PUDP: variants seen among roughly 807,000 people sequenced by gnomAD.
PUDP encodes the protein pseudouridine 5'-phosphatase, also known as pseudouridine-5'-phosphatase.
Under a neutral mutation model 9.4 loss-of-function variants are expected in PUDP, and 8 were observed. The observed-to-expected ratio is 0.85, with a 90% CI of 0.50 to 1.53. The LOEUF is 1.53. PUDP is among the 40% of genes most tolerant of loss of function. The pLI is 0.00. For missense variants in PUDP, 188 were observed against 189.7 expected, an observed-to-expected ratio of 0.99 and a Z score of 0.05; for synonymous variants, 99 against 80.7, an observed-to-expected ratio of 1.23 and a Z score of -1.22.
In PUDP at chrX:6,816,723, AAT is replaced by A. The variant is rs1480270831; in HGVS notation, c.*248-110259_*248-110258del. ...ACTATATATACTATATAGTATATAC[AAT>A]ATATATACACACATAGTATATACGA... is the stretch of plus-strand genomic sequence containing the variant. On this transcript the variant is annotated intron_variant and NMD_transcript_variant, in intron 3 of 3. Coordinates refer to the PUDP transcript ENST00000655425. Among the ~76,000 whole-genome samples the A allele has an allele frequency of 8.2e-5, 8 of 97,987 alleles. 1 individual carries two copies. The highest frequency in any genetic ancestry group is 2.9e-4 in the African/African-American group (8 of 27,308). The allele number at this position is 97,987 out of a possible 115,157, so 85.1% of individuals were successfully genotyped here.
chrX:6,897,878 G>T (rs1302975210), intron 3 of PUDP, among the ~76,000 whole-genome samples: 5 of 111,331 alleles, frequency 4.5e-5, no homozygotes, highest in Admixed American at 9.6e-5. Context: ...TCAAAAACTT[G>T]CAGGGGACAC....
intron 1 of PUDP, among the ~76,000 whole-genome samples, chrX:6,708,790 C>T (rs1189547568): frequency 2.7e-5 from 3 of 111,705 alleles, no homozygotes; most frequent in East Asian, 5.7e-4. Flanking sequence ...CAGAAATCCT[C>T]GTTTCTCCGA....
intron 3 of PUDP, among the ~76,000 whole-genome samples, chrX:6,757,061 G>A (rs1416410667): frequency 8.9e-6 from 1 of 112,263 alleles, no homozygotes; most frequent in East Asian, 2.8e-4. Flanking sequence ...GCAGAGCAGA[G>A]AGAAGACGGA....
intron 1 of PUDP, among the ~76,000 whole-genome samples, chrX:7,016,450 G>A (rs1929550100): frequency 9.0e-6 from 1 of 111,277 alleles, no homozygotes; most frequent in Non-Finnish European, 1.9e-5. Flanking sequence ...ATACACCTTT[G>A]GTGGGTAGGG....
chrX:6,839,633 G>A (rs1229162663), intron 3 of PUDP, among the ~76,000 whole-genome samples: 2 of 111,422 alleles, frequency 1.8e-5, no homozygotes, highest in East Asian at 2.8e-4. Context: ...CACATAATAT[G>A]TCATGAGAGG....
At chrX:6,781,657 A>G (rs1188384489) in intron 3 of PUDP, among the ~76,000 whole-genome samples, 1 of 112,251 alleles carries the variant, frequency 8.9e-6, no homozygotes, top group Non-Finnish European at 1.9e-5. Flanking sequence ...GAGTGCTTTA[A>G]TGAGCCTAAG....
rs190813702 is a variant in PUDP at position 7,135,121 on chromosome X, C to A, written c.61+12932G>T. On this transcript the variant is annotated intron_variant, in intron 1 of 3. Transcript: ENST00000381077. ...TCCCATCACTCAGTTCAAGCTCCAA[C>A]CTCCAGTTTCCTAAGACCTTGGTAG... Among the ~76,000 whole-genome samples the A allele has an allele frequency of 8.2e-4, 91 of 111,583 alleles. 1 individual carries two copies. The highest frequency in any genetic ancestry group is 2.6e-3 in the African/African-American group (79 of 30,673).
chrX:6,764,681 C>G (rs1456853730), intron 3 of PUDP, among the ~76,000 whole-genome samples: 1 of 111,261 alleles, frequency 9.0e-6, no homozygotes, highest in African/African-American at 3.3e-5. Flanking sequence ...TTAAATGTAA[C>G]ATTCATCAAA....
At chrX:6,932,809 G>A (rs890736589) in intron 3 of PUDP, among the ~76,000 whole-genome samples, 15 of 111,972 alleles carry the variant, frequency 1.3e-4, no homozygotes, top group African/African-American at 4.5e-4. Flanking sequence ...GGCGCACCAC[G>A]AGATTATATC....
At chrX:7,146,467 T>C (rs1047907568) in intron 1 of PUDP, among the ~76,000 whole-genome samples, 3 of 111,993 alleles carry the variant, frequency 2.7e-5, no homozygotes, top group Non-Finnish European at 5.6e-5. Flanking sequence ...GGAAAATTCA[T>C]GTCTACAAAC....
chrX:7,021,171 G>C (rs749501801), intron 1 of PUDP, among the ~76,000 whole-genome samples: 20 of 112,207 alleles, frequency 1.8e-4, no homozygotes, highest in Non-Finnish European at 3.4e-4. Flanking sequence ...TGGTATTCCT[G>C]CTCAAACACG....
At chrX:6,751,095 TTGTG>T (rs2146669521) in intron 3 of PUDP, among the ~76,000 whole-genome samples, 1 of 107,833 alleles carries the variant, frequency 9.3e-6, no homozygotes, top group Admixed American at 1.0e-4. Context: ...TGAGCCAAGA[TTGTG>T]CCACTGCACT....
intron 1 of PUDP, among the ~76,000 whole-genome samples, chrX:6,713,947 G>A (rs887346064): frequency 4.5e-5 from 5 of 110,994 alleles, no homozygotes; most frequent in African/African-American, 9.8e-5. Flanking sequence ...ACCCAGGATC[G>A]AGTGCAATGA....
chrX:6,750,408 T>C (rs893193975), intron 3 of PUDP, among the ~76,000 whole-genome samples: 1 of 110,792 alleles, frequency 9.0e-6, no homozygotes, highest in Non-Finnish European at 1.9e-5. Context: ...TGTGTGTCTG[T>C]GTGTGTGTGA....
At chrX:6,833,390 T>C (rs1263858656) in intron 3 of PUDP, among the ~76,000 whole-genome samples, 1 of 110,280 alleles carries the variant, frequency 9.1e-6, no homozygotes, top group East Asian at 2.9e-4. Flanking sequence ...AATGGATGGA[T>C]GGGTGGATAA....
rs199965673 is a variant in PUDP at position 7,040,520 on chromosome X, G to C, written c.204+36700C>G. ...GACACTCTTCCCTGGAGAGTACAGG[G>C]ATGCTCCTCTCCAAACCTGATCTTG... On this transcript the variant is annotated intron_variant and NMD_transcript_variant, in intron 1 of 3. Coordinates refer to the PUDP transcript ENST00000655425. 1.2e-4 allele frequency among the ~76,000 whole-genome samples: 13 copies of C among 110,261 alleles called. 1 individual carries two copies. In the South Asian group the frequency reaches 5.1e-3, roughly 43 times the overall value.
intron 1 of PUDP, among the ~76,000 whole-genome samples, chrX:7,107,324 T>C (rs1038229279): frequency 8.9e-6 from 1 of 111,959 alleles, no homozygotes; most frequent in Non-Finnish European, 1.9e-5. Context: ...AAATACTAGT[T>C]TTTTTCCCTG....
chrX:6,875,205 A>T (rs1355103263), intron 3 of PUDP, among the ~76,000 whole-genome samples: 2 of 110,716 alleles, frequency 1.8e-5, no homozygotes, highest in Non-Finnish European at 3.8e-5. Flanking sequence ...AGTAGCTGGG[A>T]CTACAGGTAT....
intron 3 of PUDP, among the ~76,000 whole-genome samples, chrX:6,744,414 G>A (rs184889839): frequency 5.4e-5 from 6 of 111,646 alleles, no homozygotes; most frequent in African/African-American, 2.0e-4. Context: ...AAAGATAGAA[G>A]AAGTGTTACG....
Sources: allele counts gnomAD v4.1 joint callset (sites outside exome capture counted in the v4.1 genomes callset), GRCh38; gene constraint gnomAD v4.1.1; transcripts MANE v1.5; gene names NCBI Gene and HGNC (gene_info 2026-07-23, HGNC 2026-07-21).